SGCD: variants seen among roughly 807,000 people sequenced by gnomAD.
The protein encoded by SGCD is sarcoglycan delta.
In SGCD, 18 loss-of-function variants were observed where a neutral mutation model predicts 36.6. The observed-to-expected ratio is 0.49, with a 90% CI of 0.34 to 0.73. The LOEUF is 0.73. Among genes scored for constraint, SGCD ranks in the 30% least tolerant of loss-of-function variants. SGCD has a pLI of 0.01. For synonymous variants in SGCD, 133 were observed against 130.6 expected (o/e 1.02, Z -0.12); for missense variants, 387 against 346.7 (o/e 1.12, Z -0.92).
At chr5:156,025,370 T>C (rs1411134380) in intron 1 of SGCD, among the ~76,000 whole-genome samples, 1 of 152,206 alleles carries the variant, frequency 6.6e-6, no homozygotes, top group African/African-American at 2.4e-5. Flanking sequence ...AATCTTCTAT[T>C]TGCCCAGGAA....
chr5:156,309,949 A>C (rs1166513731), intron 3 of SGCD, among the ~76,000 whole-genome samples: 1 of 152,088 alleles, frequency 6.6e-6, no homozygotes, highest in Admixed American at 6.5e-5. Context: ...TTTTTTGTTG[A>C]AAAATGAACA....
At chr5:155,736,304 AC>A in the SGCD span, among the ~76,000 whole-genome samples, 3 of 152,112 alleles carry the variant, frequency 2.0e-5, no homozygotes, top group Non-Finnish European at 4.4e-5. Context: ...TACCAAACTA[AC>A]CCAAACTAAC....
Position 155,896,572 on chromosome 5 carries a change from G to T in SGCD, c.-282+26148G>T, listed in dbSNP as rs75485551. ...GAGGTGGGAGGATTGCTTGAGCATTGGAGGTCAAGGCTGCAGTGACTTGTA... is the reference window on the plus strand; with the variant it reads ...GAGGTGGGAGGATTGCTTGAGCATTTGAGGTCAAGGCTGCAGTGACTTGTA... On this transcript the variant is annotated intron_variant, in intron 1 of 9. Transcript: ENST00000517913. 2.0e-5 allele frequency among the ~76,000 whole-genome samples: 3 copies of T among 151,778 alleles called. No individual in the cohort carries two copies. The East Asian group carries it at 5.8e-4, about 29-fold the overall frequency.
chr5:156,462,363 C>T (rs1396051748), intron 3 of SGCD, among the ~76,000 whole-genome samples: 1 of 152,108 alleles, frequency 6.6e-6, no homozygotes, highest in Non-Finnish European at 1.5e-5. Context: ...ACTTAAGATG[C>T]TACTCTACTG....
At chr5:155,802,881 T>A in the SGCD span, among the ~76,000 whole-genome samples, 1 of 152,192 alleles carries the variant, frequency 6.6e-6, no homozygotes, top group African/African-American at 2.4e-5. Context: ...ATATTTTTCA[T>A]CTGAGGAATC....
intron 3 of SGCD, among the ~76,000 whole-genome samples, chr5:156,388,861 A>G (rs1771417595): frequency 6.6e-6 from 1 of 152,256 alleles, no homozygotes; most frequent in African/African-American, 2.4e-5. Flanking sequence ...ATTTTGAAAT[A>G]TAGAATATCG....
At chr5:155,817,708 T>G in the SGCD span, among the ~76,000 whole-genome samples, 2 of 152,302 alleles carry the variant, frequency 1.3e-5, no homozygotes, top group Non-Finnish European at 2.9e-5. Flanking sequence ...GGAGAATTTT[T>G]TGTCCTTCCC....
chr5:156,132,597 T>G (rs1762355430), intron 3 of SGCD, among the ~76,000 whole-genome samples: 1 of 149,510 alleles, frequency 6.7e-6, no homozygotes, highest in Non-Finnish European at 1.5e-5. Flanking sequence ...GCCTCCCGAG[T>G]AGCTGGGATT....
chr5:155,898,406 G>T (rs1037993139), intron 1 of SGCD, among the ~76,000 whole-genome samples: 3 of 152,178 alleles, frequency 2.0e-5, no homozygotes, highest in Admixed American at 6.5e-5. Flanking sequence ...TGGATAGTAT[G>T]CTAGGGAATA....
intron 3 of SGCD, among the ~76,000 whole-genome samples, chr5:156,205,468 C>T (rs1001205090): frequency 2.0e-5 from 3 of 152,034 alleles, no homozygotes; most frequent in African/African-American, 7.2e-5. Flanking sequence ...TAGATTGTTG[C>T]AGATTTTGAA....
the SGCD span, among the ~76,000 whole-genome samples, chr5:155,837,957 T>C: frequency 4.6e-5 from 7 of 152,090 alleles, no homozygotes; most frequent in South Asian, 2.1e-4. Context: ...CTTTTTAAAC[T>C]CTTTTTTTTA....
chr5:156,390,175 ATACTT>A (rs1350170262), intron 3 of SGCD, among the ~76,000 whole-genome samples: 8 of 151,774 alleles, frequency 5.3e-5, no homozygotes, highest in African/African-American at 1.9e-4. Flanking sequence ...TGTAATTACT[ATACTT>A]TTTATTATTT....
chr5:156,319,899 C>T lies in SGCD; in HGVS notation c.-43-9635C>T, dbSNP rs534438940. On this transcript the variant is annotated intron_variant, in intron 3 of 9. Transcript: ENST00000517913. ...AAGTTATTTTCTCTGCAATCCATTG[C>T]GGAAAGGATATCAGGAATTACTAGC... Among the ~76,000 whole-genome samples, 72 of 152,178 alleles carry T rather than the reference C, an allele frequency of 4.7e-4. 1 individual carries two copies. Among genetic ancestry groups the T allele is most frequent in the African/African-American group, 1.6e-3 (68 of 41,498 alleles).
At chr5:156,222,310 T>G (rs1764735461) in intron 3 of SGCD, among the ~76,000 whole-genome samples, 1 of 152,104 alleles carries the variant, frequency 6.6e-6, no homozygotes, top group Non-Finnish European at 1.5e-5. Flanking sequence ...TATTTGCAAG[T>G]GTTGATTGGT....
chr5:155,782,273 C>T, the SGCD span, among the ~76,000 whole-genome samples: 5 of 152,038 alleles, frequency 3.3e-5, no homozygotes, highest in African/African-American at 1.2e-4. Context: ...GATCTGCCCG[C>T]CTTGACTTCT....
At chr5:155,728,459 G>A in the SGCD span, among the ~76,000 whole-genome samples, 64 of 152,348 alleles carry the variant, frequency 4.2e-4, 1 homozygote, top group South Asian at 0.013. Flanking sequence ...ACAGGAGGAG[G>A]GGCACGGCGG....
chr5:156,432,966 A>T (rs183361209), intron 3 of SGCD, among the ~76,000 whole-genome samples: 248 of 152,264 alleles, frequency 1.6e-3, no homozygotes, highest in African/African-American at 5.5e-3. Flanking sequence ...TAGCTCCTGC[A>T]TGTGTATCTG....
At chr5:155,754,590 T>G in the SGCD span, among the ~76,000 whole-genome samples, 1 of 152,232 alleles carries the variant, frequency 6.6e-6, no homozygotes, top group Non-Finnish European at 1.5e-5. Context: ...CACATTACAT[T>G]GTATTGCACT....
intron 7 of SGCD, among the ~76,000 whole-genome samples, chr5:156,723,271 G>A (rs1179564927): frequency 6.6e-6 from 1 of 152,198 alleles, no homozygotes; most frequent in Non-Finnish European, 1.5e-5. Context: ...CCTCCATCCT[G>A]CTCCTGAACA....
Sources: allele counts gnomAD v4.1 joint callset (sites outside exome capture counted in the v4.1 genomes callset), GRCh38; gene constraint gnomAD v4.1.1; transcripts MANE v1.5; gene names NCBI Gene and HGNC (gene_info 2026-07-23, HGNC 2026-07-21).